Variants in TTC7A observed in about 807,000 individuals in gnomAD.
TTC7A encodes the protein tetratricopeptide repeat domain 7A.
A neutral mutation model predicts 103.7 loss-of-function variants in TTC7A; 110 were observed. That is an observed-to-expected ratio of 1.06 (90% CI 0.91 to 1.24). The LOEUF (loss-of-function observed/expected upper bound fraction) is 1.24, where lower values mean the gene tolerates loss of function less well. Ranked by LOEUF, TTC7A falls within the 50% of genes most tolerant of loss-of-function variation. TTC7A has a pLI of 0.00. For missense variants in TTC7A, 1,340 were observed against 1,116.3 expected (o/e 1.20, Z -2.86); for synonymous variants, 521 against 467.9 (o/e 1.11, Z -1.47).
chr2:47,057,403 C>T (rs917200457), intron 18 of TTC7A, among the ~76,000 whole-genome samples: 1 of 152,226 alleles, frequency 6.6e-6, no homozygotes, highest in African/African-American at 2.4e-5. Flanking sequence ...CAGCAAGGCC[C>T]TGGCCTCTGG....
intron 8 of TTC7A, 111 bp from the exon 9 acceptor site, chr2:47,005,811 G>A: frequency 2.5e-6 from 3 of 1,209,326 alleles, no homozygotes; most frequent in Admixed American, 3.6e-5. Context: ...CTGGCTTGGG[G>A]CAGTGGCAAA....
chr2:47,007,332 G>A lies in TTC7A; in HGVS notation c.1287+608G>A, dbSNP rs1207676464. Among the ~76,000 whole-genome samples the A allele has an allele frequency of 1.3e-5, 2 of 152,122 alleles. No homozygotes were observed. The highest frequency in any genetic ancestry group is 4.8e-5 in the African/African-American group (2 of 41,416). On this transcript the variant is annotated intron_variant, in intron 10 of 19. Coordinates refer to ENST00000319190, the MANE Select transcript of TTC7A (RefSeq NM_020458.4). The surrounding 1 kb of genome is among the most constrained non-coding windows in gnomAD (Gnocchi z 4.9). ...ACCCAGCTCCGGTGCCATCACCCCT[G>A]CTTTTTGCTCCGATCAGAATTATAC...
At chr2:47,031,457 G>A (rs1319392175) in intron 15 of TTC7A, among the ~76,000 whole-genome samples, 1 of 152,144 alleles carries the variant, frequency 6.6e-6, no homozygotes, top group African/African-American at 2.4e-5. Context: ...TTACACTTCA[G>A]TTAGGCTTCA....
exon 1 of TTC7A, chr2:46,916,229 T>G: frequency 1.1e-6 from 1 of 923,276 alleles, no homozygotes; most frequent in Non-Finnish European, 1.3e-6. Flanking sequence ...ATAATAGGAA[T>G]GCTAATTCCT....
At chr2:47,045,345 C>G (rs1387023009) in intron 15 of TTC7A, among the ~76,000 whole-genome samples, 1 of 152,254 alleles carries the variant, frequency 6.6e-6, no homozygotes, top group Non-Finnish European at 1.5e-5. Context: ...TCCACCCCAG[C>G]TCTTGATGAG....
At chr2:46,956,723 G>T in intron 2 of TTC7A, 116 bp from the exon 3 acceptor site, 1 of 1,062,666 alleles carries the variant, frequency 9.4e-7, no homozygotes, top group Non-Finnish European at 1.4e-6. Context: ...AGGCTTTCTG[G>T]AGGAGGAGGG....
At chr2:46,938,784 C>G (rs952704143), upstream of TTC7A, among the ~76,000 whole-genome samples, 1 of 151,700 alleles carries the variant, frequency 6.6e-6, no homozygotes, top group South Asian at 2.1e-4. Flanking sequence ...GAGGCCAAGG[C>G]GGGCAGATCA....
intron 11 of TTC7A, among the ~76,000 whole-genome samples, chr2:47,017,992 C>A (rs1297797750): frequency 6.6e-6 from 1 of 152,000 alleles, no homozygotes; most frequent in African/African-American, 2.4e-5. Context: ...TATATATGAA[C>A]CTGGCTAGCT....
chr2:46,940,904 C>T (rs963489348), upstream of TTC7A, among the ~76,000 whole-genome samples: 14 of 152,098 alleles, frequency 9.2e-5, no homozygotes, highest in Non-Finnish European at 7.4e-5. The surrounding 1 kb of genome is among the most constrained non-coding windows in gnomAD (Gnocchi z 4.7). Flanking sequence ...GGTGACGGGG[C>T]CACCACACAA....
At chr2:47,057,942 C>G (rs1034493778) in intron 18 of TTC7A, among the ~76,000 whole-genome samples, 1 of 152,216 alleles carries the variant, frequency 6.6e-6, no homozygotes, top group African/African-American at 2.4e-5. Flanking sequence ...GCTGCTCCCA[C>G]TCCTGTCCCC....
intron 3 of TTC7A, among the ~76,000 whole-genome samples, chr2:46,972,192 T>C (rs1673426031): frequency 6.6e-6 from 1 of 151,824 alleles, no homozygotes; most frequent in Admixed American, 6.6e-5. Context: ...ATATTTTTCC[T>C]GTCTTAAAAA....
chr2:46,983,616 G>T (rs996834913), intron 5 of TTC7A, among the ~76,000 whole-genome samples: 2 of 152,208 alleles, frequency 1.3e-5, no homozygotes, highest in Non-Finnish European at 2.9e-5. Context: ...TATGAAGCCC[G>T]GCACGGACCT....
intron 15 of TTC7A, among the ~76,000 whole-genome samples, chr2:47,036,838 A>G (rs1429270527): frequency 6.6e-6 from 1 of 152,194 alleles, no homozygotes; most frequent in Non-Finnish European, 1.5e-5. Flanking sequence ...AGCTTGGGTG[A>G]CAGAACTGTC....
chr2:47,035,328 T>G (rs1680986450), intron 15 of TTC7A: 1 of 152,250 alleles, frequency 6.6e-6, no homozygotes, highest in Non-Finnish European at 1.5e-5. Context: ...CACGTTTGGC[T>G]GCCACAGCCC....
chr2:47,006,998 T>A (rs1428599705), intron 10 of TTC7A, among the ~76,000 whole-genome samples: 1 of 152,162 alleles, frequency 6.6e-6, no homozygotes, highest in Non-Finnish European at 1.5e-5. Flanking sequence ...GTATCCTCTG[T>A]GCTGAAGAGC....
upstream of TTC7A, among the ~76,000 whole-genome samples, chr2:46,937,375 C>A (rs1172047670): frequency 6.6e-5 from 10 of 152,076 alleles, no homozygotes; most frequent in African/African-American, 2.4e-4. The surrounding 1 kb of genome is among the most constrained non-coding windows in gnomAD (Gnocchi z 4.0). Flanking sequence ...GCTCACTTAA[C>A]TTCAGAATAG....
chr2:47,046,327 C>T lies in TTC7A; in HGVS notation c.1815C>T (p.Thr605=). ...TCCGTCCCCACAGCCTGATGTTCAC[C>T]AAGGTGAAGCTGGAGCAGGTGCTGA... is the stretch of plus-strand genomic sequence containing the variant. ...EHPENFNLMF[T]KVKLEQVLKG... is the part of the protein sequence containing the mutation. The change falls in exon 16 of 20, where the codon ACC becomes ACT. Residue 605 remains threonine (T), a synonymous_variant. Transcript: ENST00000319190. 2.5e-6 allele frequency: 4 copies of T among 1,613,972 alleles called. No homozygotes were observed. Among genetic ancestry groups the T allele is most frequent in the Non-Finnish European group, 3.4e-6 (4 of 1,179,952 alleles).
In TTC7A at chr2:46,978,812, G is replaced by C. The variant is rs777759191; in HGVS notation, c.669G>C (p.Ser223=). 14 of 1,613,776 alleles carry C rather than the reference G, an allele frequency of 8.7e-6. No homozygotes were observed. Among genetic ancestry groups the C allele is most frequent in the Non-Finnish European group, 1.2e-5 (14 of 1,179,926 alleles). The part of the protein sequence containing the change: ...ELEKTTNNST[S]RHLKGCHPLD... ...CCCAGACCACAAATAACAGCACGTCGAGGCATCTGAAAGGCTGTCACCCGC... is the reference window on the plus strand; with the variant it reads ...CCCAGACCACAAATAACAGCACGTCCAGGCATCTGAAAGGCTGTCACCCGC... The change falls in exon 5 of 20, where the codon TCG becomes TCC. Residue 223 remains serine (S), a synonymous_variant. Transcript: ENST00000319190.
At chr2:46,922,517 T>A (rs1484661895) in intron 2 of TTC7A, among the ~76,000 whole-genome samples, 5 of 150,852 alleles carry the variant, frequency 3.3e-5, no homozygotes, top group Non-Finnish European at 7.4e-5. Flanking sequence ...AGAGTGTAAT[T>A]ATAAATGCTC....
Sources: allele counts gnomAD v4.1 joint callset (sites outside exome capture counted in the v4.1 genomes callset), GRCh38; gene constraint gnomAD v4.1.1; non-coding constraint Gnocchi (gnomAD v3.1); transcripts MANE v1.5; gene names NCBI Gene and HGNC (gene_info 2026-07-23, HGNC 2026-07-21).